Variants in UNC5B observed in about 807,000 individuals in gnomAD.
The protein encoded by UNC5B is netrin receptor UNC5B.
A neutral mutation model predicts 103.7 loss-of-function variants in UNC5B; 56 were observed. That is an observed-to-expected ratio of 0.54 (90% CI 0.44 to 0.67). UNC5B has a LOEUF of 0.67. Ranked by LOEUF, UNC5B falls within the 30% of genes least tolerant of loss-of-function variation. The probability of loss-of-function intolerance (pLI) is 0.00; values close to 1 mark genes in which losing one functional copy is unlikely to be tolerated. For missense variants in UNC5B, 1,194 were observed against 1,284.5 expected (o/e 0.93, Z 1.08); for synonymous variants, 577 against 542.0 (o/e 1.06, Z -0.90).
intron 1 of UNC5B, among the ~76,000 whole-genome samples, chr10:71,219,107 C>CAG (rs1843399275): frequency 6.6e-6 from 1 of 151,988 alleles, no homozygotes; most frequent in Admixed American, 6.5e-5. Flanking sequence ...AGTCCCTCGC[C>CAG]CCACCCTGGT....
chr10:71,278,501 G>GT (rs1050987850), intron 1 of UNC5B, among the ~76,000 whole-genome samples: 1 of 152,194 alleles, frequency 6.6e-6, no homozygotes, highest in Non-Finnish European at 1.5e-5. Context: ...CCCCAAGCCA[G>GT]TGATAGTTCA....
At chr10:71,279,524 C>A (rs1844860682) in intron 1 of UNC5B, among the ~76,000 whole-genome samples, 1 of 152,230 alleles carries the variant, frequency 6.6e-6, no homozygotes, top group African/African-American at 2.4e-5. Flanking sequence ...ATCGCCTCCC[C>A]TCCCGGGACC....
intron 1 of UNC5B, among the ~76,000 whole-genome samples, chr10:71,245,561 G>A (rs1270667155): frequency 6.6e-6 from 1 of 152,144 alleles, no homozygotes. Context: ...CTCTGATGTG[G>A]GGAGGCAAAG....
rs1376089259 is a variant in UNC5B, at chr10:71,299,500, C to G, written c.*223C>G. On this transcript the variant is annotated 3_prime_UTR_variant, in exon 17 of 17. Coordinates refer to ENST00000335350, the MANE Select transcript of UNC5B (RefSeq NM_170744.5). ...AGTTCCTTCTCCACCCCCGCTCTCT[C>G]TCTCTTGGCCTGAGATCTCTGTGCA... The G allele has an allele frequency of 3.7e-6, 2 of 534,878 alleles. No homozygotes were observed. Among genetic ancestry groups the G allele is most frequent in the African/African-American group, 3.8e-5 (2 of 52,544 alleles). The allele number at this position is 534,878 out of a possible 1,614,324, so 33.1% of individuals were successfully genotyped here.
chr10:71,245,186 C>T (rs2132263521), intron 1 of UNC5B, among the ~76,000 whole-genome samples: 1 of 152,298 alleles, frequency 6.6e-6, no homozygotes, highest in South Asian at 2.1e-4. Context: ...GTGCTCTCTC[C>T]ATAACACCAT....
chr10:71,227,175 G>A (rs552892363), intron 1 of UNC5B, among the ~76,000 whole-genome samples: 9 of 152,158 alleles, frequency 5.9e-5, no homozygotes, highest in South Asian at 2.1e-4. Flanking sequence ...AGTAGAGACG[G>A]GGTTTCACCA....
At chr10:71,262,974 G>A (rs1394997932) in intron 1 of UNC5B, among the ~76,000 whole-genome samples, 1 of 152,222 alleles carries the variant, frequency 6.6e-6, no homozygotes, top group African/African-American at 2.4e-5. Context: ...GATGCCAGAC[G>A]AAGAGCCAGG....
At chr10:71,283,433 G>A (rs1844982145) in intron 2 of UNC5B, among the ~76,000 whole-genome samples, 1 of 152,192 alleles carries the variant, frequency 6.6e-6, no homozygotes, top group African/African-American at 2.4e-5. Flanking sequence ...ACTTCACAAA[G>A]GTCACCCAGC....
intron 1 of UNC5B, among the ~76,000 whole-genome samples, chr10:71,242,795 A>T (rs544436626): frequency 9.9e-5 from 15 of 152,018 alleles, no homozygotes; most frequent in Admixed American, 1.3e-4. Flanking sequence ...TGTCTTTATG[A>T]TGCCTGGGTG....
intron 1 of UNC5B, among the ~76,000 whole-genome samples, chr10:71,236,200 A>C (rs1843771919): frequency 1.3e-5 from 2 of 152,212 alleles, no homozygotes; most frequent in South Asian, 4.1e-4. Context: ...GGTGCCCCAT[A>C]AGTATGAGTA....
At chr10:71,259,686 G>A (rs1046647453) in intron 1 of UNC5B, among the ~76,000 whole-genome samples, 3 of 152,190 alleles carry the variant, frequency 2.0e-5, no homozygotes, top group East Asian at 1.9e-4. Context: ...ACAGCCCTGG[G>A]AGATTCCTGT....
intron 1 of UNC5B, among the ~76,000 whole-genome samples, chr10:71,261,062 A>G (rs1468036034): frequency 2.6e-5 from 4 of 152,180 alleles, no homozygotes; most frequent in African/African-American, 9.7e-5. Flanking sequence ...TTGAGTCCCA[A>G]TCTTTCCATT....
intron 1 of UNC5B, among the ~76,000 whole-genome samples, chr10:71,261,130 G>T (rs1297926515): frequency 6.6e-6 from 1 of 152,220 alleles, no homozygotes; most frequent in African/African-American, 2.4e-5. Context: ...AGTACCTAGA[G>T]GCTGTCATTA....
rs1167987842 is a variant in UNC5B, at chr10:71,291,539, A to G, written c.1402A>G (p.Met468Val). 1.1e-5 allele frequency: 18 copies of G among 1,614,114 alleles called. No individual in the cohort carries two copies. Among genetic ancestry groups the G allele is most frequent in the Non-Finnish European group, 1.4e-5 (17 of 1,180,004 alleles). Residue 468 changes from methionine (M) to valine (V), a missense_variant, in exon 10 of 17, where the codon ATG becomes GTG. Met to Val is a conservative substitution (Grantham distance 21, BLOSUM62 1). Coordinates refer to ENST00000335350, the MANE Select transcript of UNC5B (RefSeq NM_170744.5). Reference sequence around the variant, plus strand: ...GCAGGACTCCACCGACAAAATCCCCATGACCAACTCTCCTCTGCTGGACCC... The same window carrying G: ...GCAGGACTCCACCGACAAAATCCCCGTGACCAACTCTCCTCTGCTGGACCC... ...ALQDSTDKIP[M>V]TNSPLLDPLP...
intron 1 of UNC5B, among the ~76,000 whole-genome samples, chr10:71,238,125 A>G (rs1359330231): frequency 6.6e-6 from 1 of 152,206 alleles, no homozygotes; most frequent in East Asian, 1.9e-4. Context: ...TGTGATCATT[A>G]AAAACTAGAG....
At chr10:71,279,711 C>T (rs1844866397) in intron 1 of UNC5B, 110 bp from the exon 2 acceptor site, 4 of 1,230,246 alleles carry the variant, frequency 3.3e-6, no homozygotes, top group Non-Finnish European at 4.5e-6. Context: ...GGCTGCCCCA[C>T]CTCTGCCTCC....
chr10:71,268,760 G>GTT (rs374497262), intron 1 of UNC5B, among the ~76,000 whole-genome samples: 1 of 152,320 alleles, frequency 6.6e-6, no homozygotes, highest in East Asian at 1.9e-4. Context: ...GCATGGGGAT[G>GTT]TAAGCACTGT....
intron 1 of UNC5B, among the ~76,000 whole-genome samples, chr10:71,259,894 A>G (rs907723598): frequency 6.6e-6 from 1 of 152,134 alleles, no homozygotes; most frequent in Non-Finnish European, 1.5e-5. Flanking sequence ...AGCCCAGGGG[A>G]CTGGATAGGG....
Position 71,296,679 on chromosome 10 carries a change from G to T in UNC5B, c.2427G>T (p.Lys809Asn), listed in dbSNP as rs1845423761. The change falls in exon 15 of 17, where the codon AAG (lysine) becomes AAT (asparagine). Residue 809 changes from lysine to asparagine, a missense_variant. Coordinates refer to ENST00000335350, the MANE Select transcript of UNC5B (RefSeq NM_170744.5). ...TGGCCTCCACAGAGCTCACCTGCAA[G>T]ATCTGCGTGCGGCAAGTGGAAGGGG... is the stretch of plus-strand genomic sequence containing the variant. ...HSLASTELTC[K>N]ICVRQVEGEG... 1 of 1,613,460 alleles carries T rather than the reference G, an allele frequency of 6.2e-7. No individual in the cohort carries two copies. Among genetic ancestry groups the T allele is most frequent in the Non-Finnish European group, 8.5e-7 (1 of 1,179,734 alleles).
Sources: gnomAD v4.1 joint callset for allele counts (sites outside exome capture counted in the v4.1 genomes callset) on GRCh38, gnomAD v4.1.1 for gene constraint, MANE v1.5 for transcripts, NCBI Gene and HGNC (gene_info 2026-07-23, HGNC 2026-07-21) for gene names.